The following DLG2 variants were observed in gnomAD, a reference collection of about 807,000 sequenced individuals.
DLG2 encodes the protein disks large homolog 2.
DLG2 carries 45 observed loss-of-function variants against 132.5 expected under a neutral mutation model. The observed-to-expected ratio is 0.34, with a 90% CI of 0.27 to 0.44. The LOEUF (loss-of-function observed/expected upper bound fraction) is 0.44, where lower values mean the gene tolerates loss of function less well. Among genes scored for constraint, DLG2 ranks in the 20% least tolerant of loss-of-function variants. DLG2 has a pLI of 1.00. For synonymous variants in DLG2, 424 were observed against 419.6 expected (o/e 1.01, Z -0.13); for missense variants, 1,045 against 1,196.9 (o/e 0.87, Z 1.87).
intron 15 of DLG2, among the ~76,000 whole-genome samples, chr11:83,899,060 C>T (rs1428346598): frequency 6.6e-6 from 1 of 150,886 alleles, no homozygotes; most frequent in Non-Finnish European, 1.5e-5. Flanking sequence ...GTACTTTTTG[C>T]ATACAGTGAA....
intron 18 of DLG2, among the ~76,000 whole-genome samples, chr11:83,696,706 T>C (rs1328365391): frequency 6.6e-6 from 1 of 152,196 alleles, no homozygotes; most frequent in African/African-American, 2.4e-5. Context: ...CTATGATTAA[T>C]TCAATTAAAC....
intron 6 of DLG2, among the ~76,000 whole-genome samples, chr11:84,699,747 T>G (rs2059014499): frequency 6.6e-6 from 1 of 151,580 alleles, no homozygotes; most frequent in Non-Finnish European, 1.5e-5. Context: ...TATATGCAAC[T>G]CTAAAGGACT....
At chr11:85,532,105 T>C (rs1427515881) in intron 3 of DLG2, among the ~76,000 whole-genome samples, 1 of 152,212 alleles carries the variant, frequency 6.6e-6, no homozygotes, top group Admixed American at 6.5e-5. Context: ...AATATTTCAA[T>C]ATCATAATCC....
At chr11:83,930,504 G>C in intron 14 of DLG2, 21 bp from the exon 15 acceptor site, 1 of 1,612,018 alleles carries the variant, frequency 6.2e-7, no homozygotes, top group South Asian at 1.1e-5. Context: ...AAGAGGAAGA[G>C]AAAGATATGC....
intron 2 of DLG2, among the ~76,000 whole-genome samples, chr11:85,600,953 A>C (rs1432773883): frequency 6.6e-6 from 1 of 152,174 alleles, no homozygotes; most frequent in East Asian, 1.9e-4. Flanking sequence ...CCAAAGTCTA[A>C]ATATTCCCAC....
At chr11:83,765,338 C>G (rs1768341960) in intron 18 of DLG2, among the ~76,000 whole-genome samples, 1 of 152,144 alleles carries the variant, frequency 6.6e-6, no homozygotes, top group Non-Finnish European at 1.5e-5. Context: ...AATCAAAATA[C>G]TGAGAGGCAG....
chr11:84,512,113 C>T (rs907719106), intron 7 of DLG2, among the ~76,000 whole-genome samples: 1 of 152,100 alleles, frequency 6.6e-6, no homozygotes, highest in African/African-American at 2.4e-5. Context: ...ATTATTTCTC[C>T]TCCTTTTTAC....
chr11:83,951,538 A>G (rs1452323399), intron 14 of DLG2, among the ~76,000 whole-genome samples: 1 of 152,194 alleles, frequency 6.6e-6, no homozygotes, highest in African/African-American at 2.4e-5. Context: ...CAGAGAGGTG[A>G]AGAAAGAAAA....
intron 4 of DLG2, among the ~76,000 whole-genome samples, chr11:85,284,860 C>T (rs1288819029): frequency 6.6e-6 from 1 of 151,842 alleles, no homozygotes; most frequent in Non-Finnish European, 1.5e-5. Context: ...ATGTGCCCTT[C>T]CTATGGAAAT....
intron 21 of DLG2, among the ~76,000 whole-genome samples, chr11:83,493,341 TTCC>T (rs2093969096): frequency 8.2e-4 from 5 of 6,096 alleles, no homozygotes; most frequent in Admixed American, 1.3e-3. Flanking sequence ...CTTTCTTTCC[TTCC>T]TTCCTTCCTT....
At chr11:84,690,570 G>A (rs2057917146) in intron 6 of DLG2, among the ~76,000 whole-genome samples, 1 of 151,790 alleles carries the variant, frequency 6.6e-6, no homozygotes, top group Non-Finnish European at 1.5e-5. Context: ...TCCTTTTAAA[G>A]AAAAGAATTT....
rs1481407249 is a variant in DLG2, at chr11:84,943,202, G to GTGTGTC, written c.357+168458_357+168459insGACACA. Among the ~76,000 whole-genome samples the GTGTGTC allele has an allele frequency of 1.3e-3, 185 of 144,072 alleles. 1 individual carries two copies. Among genetic ancestry groups the GTGTGTC allele is most frequent in the African/African-American group, 4.5e-3 (173 of 38,682 alleles). 94.5% of individuals were successfully genotyped at this position (144,072 alleles called of 152,430 possible). A position where few individuals can be genotyped will look rare whatever the true frequency, so the allele number is the denominator to read the frequency against. The stretch of plus-strand genomic sequence containing the variant: ...TGTGTGTGTGTGTGTGTGTGTGTGT[G>GTGTGTC]TATCTATTCAGCTACTCTGTCTTTT... On this transcript the variant is annotated intron_variant, in intron 6 of 27. Coordinates refer to ENST00000376104, the MANE Select transcript of DLG2 (RefSeq NM_001142699.3).
At chr11:85,306,057 A>G (rs1339875601) in intron 3 of DLG2, among the ~76,000 whole-genome samples, 7 of 152,208 alleles carry the variant, frequency 4.6e-5, no homozygotes, top group African/African-American at 1.7e-4. Flanking sequence ...CTTAATTTCT[A>G]TGAGATTCAA....
chr11:84,547,570 A>G (rs2099392750), intron 6 of DLG2, among the ~76,000 whole-genome samples: 1 of 152,170 alleles, frequency 6.6e-6, no homozygotes, highest in Non-Finnish European at 1.5e-5. Context: ...TCTACCTCTC[A>G]TAACTTTCCC....
At chr11:84,265,681 A>G (rs1439756378) in intron 7 of DLG2, among the ~76,000 whole-genome samples, 1 of 152,182 alleles carries the variant, frequency 6.6e-6, no homozygotes, top group Non-Finnish European at 1.5e-5. Context: ...ATAAATAAAT[A>G]TAAGGAAGAT....
intron 3 of DLG2, among the ~76,000 whole-genome samples, chr11:85,320,338 T>C (rs2080974611): frequency 6.6e-6 from 1 of 151,898 alleles, no homozygotes; most frequent in Non-Finnish European, 1.5e-5. Flanking sequence ...AGCATGTAAG[T>C]AGGGAGCTAG....
chr11:84,694,101 A>G (rs2058358859), intron 6 of DLG2, among the ~76,000 whole-genome samples: 1 of 151,606 alleles, frequency 6.6e-6, no homozygotes, highest in African/African-American at 2.4e-5. Context: ...CATTGCCTAT[A>G]ACATCATAGG....
At chr11:85,522,900 C>T (rs995948111) in intron 3 of DLG2, among the ~76,000 whole-genome samples, 3 of 152,116 alleles carry the variant, frequency 2.0e-5, no homozygotes, top group Non-Finnish European at 4.4e-5. Flanking sequence ...AAACTTTGAA[C>T]TTGAACTTTT....
chr11:83,651,362 A>C (rs1430669198), intron 18 of DLG2, among the ~76,000 whole-genome samples: 1 of 152,240 alleles, frequency 6.6e-6, no homozygotes, highest in Non-Finnish European at 1.5e-5. Flanking sequence ...GAAGATAAAT[A>C]AGATGACACA....
Sources: gnomAD v4.1 joint callset for allele counts (sites outside exome capture counted in the v4.1 genomes callset) on GRCh38, gnomAD v4.1.1 for gene constraint, MANE v1.5 for transcripts, NCBI Gene and HGNC (gene_info 2026-07-23, HGNC 2026-07-21) for gene names.